Variants in KAZN observed in about 807,000 individuals in gnomAD.
The protein encoded by KAZN is kazrin.
A neutral mutation model predicts 87.4 loss-of-function variants in KAZN; 40 were observed. The ratio of observed to expected loss-of-function variants is 0.46; its 90% CI spans 0.36 to 0.60. The LOEUF (loss-of-function observed/expected upper bound fraction) is 0.60. Ranked by LOEUF, KAZN falls within the 20% of genes least tolerant of loss-of-function variation. KAZN has a pLI of 0.00. For synonymous variants in KAZN, 466 were observed against 458.3 expected (o/e 1.02, Z -0.22); for missense variants, 898 against 1,073.9 (o/e 0.84, Z 2.29).
chr1:14,749,571 G>T (rs1644355777), intron 1 of KAZN, among the ~76,000 whole-genome samples: 1 of 152,214 alleles, frequency 6.6e-6, no homozygotes, highest in South Asian at 2.1e-4. Context: ...GATGCAGCTT[G>T]CTCCTCTGGC....
chr1:14,839,429 G>A (rs1647669344), intron 1 of KAZN, among the ~76,000 whole-genome samples: 1 of 152,042 alleles, frequency 6.6e-6, no homozygotes, highest in Non-Finnish European at 1.5e-5. Context: ...TAAATGCTAG[G>A]GATCATTTTT....
At chr1:14,138,674 G>A (rs1046337564) in intron 1 of KAZN, among the ~76,000 whole-genome samples, 2 of 152,178 alleles carry the variant, frequency 1.3e-5, no homozygotes, top group Admixed American at 1.3e-4. Flanking sequence ...CAGAGCCCAG[G>A]CTCGTTTCTC....
At chr1:14,307,729 G>C (rs1655023096) in intron 2 of KAZN, among the ~76,000 whole-genome samples, 1 of 152,212 alleles carries the variant, frequency 6.6e-6, no homozygotes, top group South Asian at 2.1e-4. Context: ...CAAAGAGGCA[G>C]TAACGCGTAG....
intron 2 of KAZN, among the ~76,000 whole-genome samples, chr1:14,337,649 A>G (rs1382870544): frequency 1.3e-5 from 2 of 152,158 alleles, no homozygotes; most frequent in Admixed American, 6.5e-5. Flanking sequence ...TAATCTCAGC[A>G]CTGGAAGGCC....
chr1:14,330,400 A>C (rs1035233161), intron 2 of KAZN, among the ~76,000 whole-genome samples: 1 of 152,154 alleles, frequency 6.6e-6, no homozygotes, highest in Non-Finnish European at 1.5e-5. Context: ...CATCTGTGCC[A>C]GTGGGGAGAA....
rs981296362 is a variant in KAZN, at chr1:14,567,511, C to T, written c.250-31472C>T. 3.3e-5 allele frequency among the ~76,000 whole-genome samples: 5 copies of T among 152,136 alleles called. 1 individual carries two copies. Among genetic ancestry groups the T allele is most frequent in the Non-Finnish European group, 7.3e-5 (5 of 68,036 alleles). On this transcript the variant is annotated intron_variant, in intron 2 of 16. Transcript: ENST00000636203. ...AATAGACTTACTCAGCACAAGGTTG[C>T]CACAAACCTTGAACTTGTAAAAATA...
intron 1 of KAZN, among the ~76,000 whole-genome samples, chr1:13,963,605 CTAAG>C (rs1411919965): frequency 6.6e-6 from 1 of 152,186 alleles, no homozygotes; most frequent in Non-Finnish European, 1.5e-5. Context: ...ATAGAATTTT[CTAAG>C]TAAGTAACAG....
intron 1 of KAZN, among the ~76,000 whole-genome samples, chr1:14,646,248 A>T (rs748131657): frequency 6.6e-6 from 1 of 152,148 alleles, no homozygotes; most frequent in Non-Finnish European, 1.5e-5. Context: ...CTTTACCATA[A>T]AAAGCTCTGT....
chr1:15,001,589 C>A (rs1370018704), intron 2 of KAZN, among the ~76,000 whole-genome samples: 1 of 152,152 alleles, frequency 6.6e-6, no homozygotes, highest in Admixed American at 6.5e-5. Flanking sequence ...AGAGCACTTT[C>A]CACAGAGCCT....
At position 15,072,145 on chromosome 1, in the gene KAZN, A is replaced by G. The variant is rs188261062; in HGVS notation, c.1222+6392A>G. On this transcript the variant is annotated intron_variant, in intron 8 of 14. Coordinates refer to ENST00000376030, the MANE Select transcript of KAZN (RefSeq NM_201628.3). ...GAACCTCAGTGTACTCATCTGTAAA[A>G]TGGGTGTAATTACCCTCCCCTCCTC... is the stretch of plus-strand genomic sequence containing the variant. Among the ~76,000 whole-genome samples the G allele has an allele frequency of 1.5e-3, 231 of 152,278 alleles. 2 individuals carry two copies. The highest frequency in any genetic ancestry group is 5.4e-3 in the African/African-American group (226 of 41,552).
In KAZN at chr1:15,048,704, T is replaced by TGGTCATCGGTCCTG. The variant is rs1557754575; in HGVS notation, c.726+4549_726+4550insATCGGTCCTGGGTC. Reference sequence around the variant, plus strand: ...TCGTTGGTCCTGGGTCGTTGATCCTTGGTCGTTGGTCCTGGGTCGTTGGTC... The same window carrying TGGTCATCGGTCCTG: ...TCGTTGGTCCTGGGTCGTTGATCCTTGGTCATCGGTCCTGGGTCGTTGGTCCTGGGTCGTTGGTC... On this transcript the variant is annotated intron_variant, in intron 4 of 14. Coordinates refer to ENST00000376030, the MANE Select transcript of KAZN (RefSeq NM_201628.3). Among the ~76,000 whole-genome samples, 96 of 106,010 alleles carry TGGTCATCGGTCCTG rather than the reference T, an allele frequency of 9.1e-4. 2 individuals carry two copies. The highest frequency in any genetic ancestry group is 3.7e-3 in the African/African-American group (91 of 24,654). The allele number at this position is 106,010 out of a possible 152,430, so 69.5% of individuals were successfully genotyped here.
chr1:14,377,080 CTCCCA>C (rs1660971812), intron 2 of KAZN, among the ~76,000 whole-genome samples: 1 of 2,988 alleles, frequency 3.3e-4, no homozygotes, highest in African/African-American at 9.9e-4. Context: ...CTTAGCCATT[CTCCCA>C]TTCTTGTTAT....
In KAZN at chr1:14,858,210, TTTTC is replaced by T. The variant is rs1408574317; in HGVS notation, c.227-102470_227-102467del. Among the ~76,000 whole-genome samples, 16 of 81,772 alleles carry T rather than the reference TTTTC, an allele frequency of 2.0e-4. 1 individual carries two copies. The highest frequency in any genetic ancestry group is 7.2e-4 in the African/African-American group (9 of 12,422). 53.6% of individuals were successfully genotyped at this position (81,772 alleles called of 152,430 possible). A position where few individuals can be genotyped will look rare whatever the true frequency, so the allele number is the denominator to read the frequency against. ...TTTCTTTTTTTCTTTTTTCTTTTTCTTTTCTTTTTTTTTTTTTTTTGAGACAAAG... is the reference window on the plus strand; with the variant it reads ...TTTCTTTTTTTCTTTTTTCTTTTTCTTTTTTTTTTTTTTTTTGAGACAAAG... On this transcript the variant is annotated intron_variant, in intron 1 of 14. Transcript: ENST00000376030.
At chr1:14,168,454 TTC>T (rs140374112) in intron 1 of KAZN, among the ~76,000 whole-genome samples, 22,056 of 152,118 alleles carry the variant, frequency 0.14, 1,810 homozygotes, top group East Asian at 0.33. Flanking sequence ...AAATTGACAC[TTC>T]TCTGCTCTTC....
intron 1 of KAZN, among the ~76,000 whole-genome samples, chr1:14,175,124 A>G (rs936766958): frequency 6.6e-6 from 1 of 152,036 alleles, no homozygotes; most frequent in Non-Finnish European, 1.5e-5. Flanking sequence ...TTGTTTTTGA[A>G]ATGGAATCTC....
chr1:14,690,522 T>G (rs373394567), intron 1 of KAZN, among the ~76,000 whole-genome samples: 13 of 152,082 alleles, frequency 8.5e-5, no homozygotes, highest in East Asian at 5.8e-4. Flanking sequence ...TGACTTGGGG[T>G]GACAGCAGAG....
At chr1:14,055,385 A>G (rs1302580383) in intron 1 of KAZN, among the ~76,000 whole-genome samples, 1 of 152,232 alleles carries the variant, frequency 6.6e-6, no homozygotes, top group Non-Finnish European at 1.5e-5. Context: ...TCTGCACTGC[A>G]TGAAGATGTG....
chr1:14,302,143 CT>C (rs1231964123), intron 2 of KAZN, among the ~76,000 whole-genome samples: 2 of 152,160 alleles, frequency 1.3e-5, no homozygotes, highest in African/African-American at 4.8e-5. Context: ...TTGATAATAT[CT>C]TTCTCTATTT....
chr1:13,961,697 C>G (rs1381081678), intron 1 of KAZN, among the ~76,000 whole-genome samples: 1 of 152,164 alleles, frequency 6.6e-6, no homozygotes, highest in Non-Finnish European at 1.5e-5. Context: ...GTTATAGTAG[C>G]CCACAGGGAC....
Sources: gnomAD v4.1 joint callset for allele counts (sites outside exome capture counted in the v4.1 genomes callset) on GRCh38, gnomAD v4.1.1 for gene constraint, MANE v1.5 for transcripts, NCBI Gene and HGNC (gene_info 2026-07-23, HGNC 2026-07-21) for gene names.